The following SAMD12 variants were observed in gnomAD, a reference collection of about 807,000 sequenced individuals.
The protein encoded by SAMD12 is sterile alpha motif domain containing 12.
In SAMD12, 9 loss-of-function variants were observed where a neutral mutation model predicts 15.0. The ratio of observed to expected loss-of-function variants is 0.60; its 90% CI spans 0.36 to 1.05. The LOEUF (loss-of-function observed/expected upper bound fraction) is 1.05. SAMD12 is among the 50% of genes least tolerant of loss of function. SAMD12 has a pLI of 0.01. For synonymous variants in SAMD12, 86 were observed against 90.1 expected (o/e 0.96, Z 0.25); for missense variants, 230 against 234.2 (o/e 0.98, Z 0.12).
chr8:118,352,150 GC>G (rs1198287388), intron 4 of SAMD12, among the ~76,000 whole-genome samples: 3 of 152,162 alleles, frequency 2.0e-5, no homozygotes, highest in Admixed American at 1.3e-4. Context: ...TCTGCTACAA[GC>G]AAGCACTACA....
downstream of SAMD12, chr8:118,189,307 C>T (rs1791130359): frequency 6.6e-6 from 1 of 152,092 alleles, no homozygotes; most frequent in Non-Finnish European, 1.5e-5. Context: ...GACAATTTTC[C>T]ACCATGAATT....
chr8:118,164,930 A>G, the SAMD12 span, among the ~76,000 whole-genome samples: 1 of 149,070 alleles, frequency 6.7e-6, no homozygotes, highest in African/African-American at 2.5e-5. Context: ...GTTTTCTCCT[A>G]CTCTAAACTC....
At chr8:118,419,870 G>A (rs925427898) in intron 3 of SAMD12, among the ~76,000 whole-genome samples, 7 of 152,112 alleles carry the variant, frequency 4.6e-5, no homozygotes, top group Admixed American at 2.0e-4. Flanking sequence ...CTGCTCCCTT[G>A]GAAGGAATTC....
intron 4 of SAMD12, among the ~76,000 whole-genome samples, chr8:118,360,348 C>T (rs1043339239): frequency 2.0e-5 from 3 of 152,018 alleles, no homozygotes; most frequent in Non-Finnish European, 4.4e-5. Context: ...ACTCCCAGTA[C>T]AATAGAAACT....
At chr8:118,304,345 C>A (rs533534602) in intron 4 of SAMD12, among the ~76,000 whole-genome samples, 1 of 152,184 alleles carries the variant, frequency 6.6e-6, no homozygotes, top group Admixed American at 6.5e-5. Context: ...GTCTTTAAGT[C>A]TTCCTAGTCT....
intron 1 of SAMD12, among the ~76,000 whole-genome samples, chr8:118,614,093 A>T (rs912155377): frequency 2.0e-5 from 3 of 152,166 alleles, no homozygotes; most frequent in African/African-American, 7.2e-5. Flanking sequence ...AGCACACACT[A>T]TTATGCCAGA....
chr8:118,428,044 T>G (rs1186816225), intron 3 of SAMD12, among the ~76,000 whole-genome samples: 1 of 152,232 alleles, frequency 6.6e-6, no homozygotes, highest in Non-Finnish European at 1.5e-5. Flanking sequence ...CTGAGCATAC[T>G]CTCATGTGCC....
chr8:118,346,842 A>G (rs979361511), intron 4 of SAMD12, among the ~76,000 whole-genome samples: 2 of 152,194 alleles, frequency 1.3e-5, no homozygotes, highest in Non-Finnish European at 2.9e-5. Flanking sequence ...TCCTCTAACA[A>G]GGAGTTGTGA....
At chr8:118,611,743 G>C (rs140118255) in intron 1 of SAMD12, among the ~76,000 whole-genome samples, 90 of 152,284 alleles carry the variant, frequency 5.9e-4, no homozygotes, top group African/African-American at 2.0e-3. Context: ...TGTTTGTCTA[G>C]GAGTTCTGTA....
intron 3 of SAMD12, among the ~76,000 whole-genome samples, chr8:118,384,991 A>G (rs1433175188): frequency 1.3e-5 from 2 of 152,114 alleles, no homozygotes; most frequent in East Asian, 3.9e-4. Flanking sequence ...TTCAGTGAGG[A>G]TGTTCCCGCA....
At chr8:118,294,530 T>C (rs1234316006) in intron 4 of SAMD12, among the ~76,000 whole-genome samples, 1 of 152,164 alleles carries the variant, frequency 6.6e-6, no homozygotes, top group Admixed American at 6.5e-5. Flanking sequence ...CCAAAAGGTA[T>C]TTTTCAGTGT....
intron 4 of SAMD12, among the ~76,000 whole-genome samples, chr8:118,284,116 A>T (rs1813802177): frequency 6.6e-6 from 1 of 152,212 alleles, no homozygotes; most frequent in Non-Finnish European, 1.5e-5. Flanking sequence ...CAAGCTCATT[A>T]AATAATGCCC....
the SAMD12 span, among the ~76,000 whole-genome samples, chr8:118,155,904 C>T: frequency 1.2e-4 from 19 of 152,314 alleles, no homozygotes; most frequent in African/African-American, 4.6e-4. Context: ...CTTAATCCAC[C>T]TAGCTCAGTG....
the SAMD12 span, among the ~76,000 whole-genome samples, chr8:118,153,021 C>A: frequency 3.3e-5 from 5 of 152,196 alleles, no homozygotes; most frequent in Non-Finnish European, 7.3e-5. Context: ...CCAGACATTC[C>A]TAACCCCTTG....
intron 4 of SAMD12, among the ~76,000 whole-genome samples, chr8:118,242,506 T>C (rs1812596310): frequency 6.6e-6 from 1 of 152,166 alleles, no homozygotes; most frequent in Non-Finnish European, 1.5e-5. Context: ...ATTGCTATAA[T>C]TGTCCTATTA....
intron 4 of SAMD12, among the ~76,000 whole-genome samples, chr8:118,247,288 A>G (rs969109111): frequency 6.6e-6 from 1 of 152,130 alleles, no homozygotes; most frequent in African/African-American, 2.4e-5. Context: ...AAGGAGAGAC[A>G]TTGATCAAAA....
At chr8:118,416,272 C>T (rs113213592) in intron 3 of SAMD12, among the ~76,000 whole-genome samples, 1 of 152,104 alleles carries the variant, frequency 6.6e-6, no homozygotes, top group Non-Finnish European at 1.5e-5. Context: ...TTATCCTTAA[C>T]CATATTAACT....
intron 4 of SAMD12, among the ~76,000 whole-genome samples, chr8:118,217,160 C>T (rs1293733591): frequency 6.6e-6 from 1 of 152,146 alleles, no homozygotes; most frequent in African/African-American, 2.4e-5. Flanking sequence ...CACACCACCA[C>T]ACCCAGCTAA....
At chr8:118,287,560 A>G (rs935472635) in intron 4 of SAMD12, among the ~76,000 whole-genome samples, 1 of 152,186 alleles carries the variant, frequency 6.6e-6, no homozygotes, top group Admixed American at 6.5e-5. Context: ...AATTCTGAAC[A>G]TGGTATTCAT....
Sources: allele counts gnomAD v4.1 joint callset (sites outside exome capture counted in the v4.1 genomes callset), GRCh38; gene constraint gnomAD v4.1.1; transcripts MANE v1.5; gene names NCBI Gene and HGNC (gene_info 2026-07-23, HGNC 2026-07-21).